The following KLRF2 variants were observed in gnomAD, a reference collection of about 807,000 sequenced individuals.
The protein encoded by KLRF2 is killer cell lectin-like receptor subfamily F member 2.
KLRF2 carries 28 observed loss-of-function variants against 25.3 expected under a neutral mutation model. That is an observed-to-expected ratio of 1.11 (90% CI 0.82 to 1.52). The LOEUF (loss-of-function observed/expected upper bound fraction) is 1.52, where lower values mean the gene tolerates loss of function less well. Among genes scored for constraint, KLRF2 ranks in the 40% most tolerant of loss-of-function variants. The pLI is 0.00. For missense variants in KLRF2, 265 were observed against 245.8 expected (o/e 1.08, Z -0.52); for synonymous variants, 73 against 85.0 (o/e 0.86, Z 0.78).
At chr12:9,893,275 GT>G in intron 4 of KLRF2, 107 bp downstream of exon 4, 1 of 1,051,860 alleles carries the variant, frequency 9.5e-7, no homozygotes, top group Non-Finnish European at 1.3e-6. Flanking sequence ...CTGAACATGT[GT>G]TAGCCACAAT....
intron 4 of KLRF2, 92 bp from the exon 5 acceptor site, chr12:9,893,337 T>C: frequency 1.2e-6 from 1 of 825,698 alleles, no homozygotes; most frequent in South Asian, 2.0e-5. Flanking sequence ...AAAAAATATA[T>C]TTTATTAATG....
At chr12:9,888,707 A>AT in intron 2 of KLRF2, 26 bp from the exon 3 acceptor site, 1 of 1,351,506 alleles carries the variant, frequency 7.4e-7, no homozygotes, top group Non-Finnish European at 1.0e-6. Flanking sequence ...AATGTTTCTC[A>AT]TATCTTTTCT....
At position 9,884,996 on chromosome 12, in the gene KLRF2, A is replaced by G. The variant is rs1868134712; in HGVS notation, c.133A>G (p.Ile45Val). 7.5e-7 allele frequency: 1 copy of G among 1,329,834 alleles called. No homozygotes were observed. Among genetic ancestry groups the G allele is most frequent in the Non-Finnish European group, 9.7e-7 (1 of 1,033,588 alleles). 82.4% of individuals were successfully genotyped at this position (1,329,834 alleles called of 1,614,324 possible). The change falls in exon 2 of 6, where the codon ATA (isoleucine) becomes GTA (valine). Residue 45 changes from isoleucine (I) to valine (V), a missense_variant. Physicochemically the swap from Ile to Val is conservative, Grantham distance 29. Transcript: ENST00000535540. ...CATATTTGGATGCATTGTGATCCTT[A>G]TATTCATTATGACAGGGATTGACCT... ...LLIFGCIVIL[I>V]FIMTGIDLKF...
chr12:9,893,777 A>G (rs756306431), intron 5 of KLRF2, among the ~76,000 whole-genome samples: 29 of 150,608 alleles, frequency 1.9e-4, no homozygotes, highest in Non-Finnish European at 3.1e-4. Context: ...GAAAGTATTC[A>G]TTTTGTCACC....
chr12:9,883,633 C>T (rs1018231939), intron 1 of KLRF2, among the ~76,000 whole-genome samples: 5 of 152,192 alleles, frequency 3.3e-5, no homozygotes, highest in South Asian at 2.1e-4. Flanking sequence ...TGTATTTTGA[C>T]GATTTTCAAT....
chr12:9,887,839 C>T (rs1171185657), intron 2 of KLRF2, among the ~76,000 whole-genome samples: 1 of 150,274 alleles, frequency 6.7e-6, no homozygotes, highest in South Asian at 2.1e-4. Context: ...AGCGCTTGAG[C>T]CCAGGAGTTC....
At chr12:9,893,233 T>A in intron 4 of KLRF2, 65 bp downstream of exon 4, 1 of 1,433,994 alleles carries the variant, frequency 7.0e-7, no homozygotes, top group Non-Finnish European at 9.3e-7. Flanking sequence ...GTTCACTGCC[T>A]AAGAAGCTTG....
chr12:9,894,258 T>C (rs1253394135), intron 5 of KLRF2, among the ~76,000 whole-genome samples: 1 of 151,758 alleles, frequency 6.6e-6, no homozygotes, highest in Admixed American at 6.6e-5. Context: ...CGTGGCTTAC[T>C]GCAGATTTGA....
Position 9,881,577 on chromosome 12 carries a change from A to G in KLRF2, c.-19A>G. 1 of 1,490,360 alleles carries G rather than the reference A, an allele frequency of 6.7e-7. No homozygotes were observed. The highest frequency in any genetic ancestry group is 2.5e-5 in the East Asian group (1 of 40,670). The allele number at this position is 1,490,360 out of a possible 1,614,324, so 92.3% of individuals were successfully genotyped here. A position where few individuals can be genotyped will look rare whatever the true frequency, so the allele number is the denominator to read the frequency against. ...TTTGTACTATTTTCTGGATAATAAG[A>G]CATTAGACATTTGAAGAGATGGAGA... On this transcript the variant is annotated 5_prime_UTR_variant, in exon 1 of 6. Transcript: ENST00000535540.
Position 9,885,026 on chromosome 12 carries a change from T to G in KLRF2, c.163T>G (p.Phe55Val), listed in dbSNP as rs1181355876. The G allele has an allele frequency of 1.6e-6, 2 of 1,254,070 alleles. No homozygotes were observed. The highest frequency in any genetic ancestry group is 2.0e-6 in the Non-Finnish European group (2 of 978,970). 77.7% of individuals were successfully genotyped at this position (1,254,070 alleles called of 1,614,324 possible). ...CATTATGACAGGGATTGACCTGAAG[T>G]TCTGGCGTGAGTAGTAAATTTTTAT... ...IFIMTGIDLKFWHKKMDFSQN... is the reference protein window; with the variant it reads ...IFIMTGIDLKVWHKKMDFSQN... Residue 55 changes from phenylalanine (F) to valine (V), a missense_variant, in exon 2 of 6, where the codon TTC becomes GTC. Physicochemically the swap from Phe to Val is conservative, Grantham distance 50 (BLOSUM62 -1). Transcript: ENST00000535540.
rs1014942225 is a variant in KLRF2 at position 9,893,703 on chromosome 12, C to T, written c.479+162C>T. ...TAGCTCTCTCTTTTCTTTCCTTCCTCCCTCCCTTTTTTTTCTTTGCTTCCT... is the reference window on the plus strand; with the variant it reads ...TAGCTCTCTCTTTTCTTTCCTTCCTTCCTCCCTTTTTTTTCTTTGCTTCCT... On this transcript the variant is annotated intron_variant, in intron 5 of 5. Transcript: ENST00000535540. Among the ~76,000 whole-genome samples the T allele has an allele frequency of 4.4e-5, 5 of 113,566 alleles. No homozygotes were observed. In the South Asian group the frequency reaches 1.2e-3, roughly 27 times the overall value. 74.5% of individuals were successfully genotyped at this position (113,566 alleles called of 152,430 possible).
intron 2 of KLRF2, among the ~76,000 whole-genome samples, chr12:9,888,336 AAAAATTAGCT>A (rs1862627453): frequency 6.6e-6 from 1 of 151,298 alleles, no homozygotes; most frequent in South Asian, 2.1e-4. Flanking sequence ...TAAAAATACA[AAAAATTAGCT>A]GGGCATGGTG....
chr12:9,884,366 AAT>A (rs1261560360), intron 1 of KLRF2, among the ~76,000 whole-genome samples: 2 of 151,862 alleles, frequency 1.3e-5, no homozygotes, highest in Non-Finnish European at 2.9e-5. Flanking sequence ...AACCCAGAAA[AAT>A]ATAATATATT....
intron 3 of KLRF2, among the ~76,000 whole-genome samples, chr12:9,889,756 G>T (rs908787701): frequency 6.6e-6 from 1 of 151,910 alleles, no homozygotes; most frequent in Non-Finnish European, 1.5e-5. Context: ...CGGTAATACA[G>T]TGTGGAGGCA....
At chr12:9,894,119 CT>C (rs758422634) in intron 5 of KLRF2, among the ~76,000 whole-genome samples, 3 of 95,184 alleles carry the variant, frequency 3.2e-5, no homozygotes, top group African/African-American at 4.5e-5. Flanking sequence ...CTTTTTCTTT[CT>C]TTTCTTTCTC....
chr12:9,886,214 T>C (rs1862596110), intron 2 of KLRF2, among the ~76,000 whole-genome samples: 1 of 152,150 alleles, frequency 6.6e-6, no homozygotes, highest in Admixed American at 6.6e-5. Context: ...AATTACAATA[T>C]GTGTGTTTCT....
intron 1 of KLRF2, among the ~76,000 whole-genome samples, chr12:9,882,697 C>T (rs1868107078): frequency 6.6e-6 from 1 of 152,134 alleles, no homozygotes; most frequent in Admixed American, 6.5e-5. Flanking sequence ...AGGAGAATCG[C>T]TTGAACCCGG....
At chr12:9,887,908 T>G (rs1408274427) in intron 2 of KLRF2, among the ~76,000 whole-genome samples, 1 of 150,908 alleles carries the variant, frequency 6.6e-6, no homozygotes, top group East Asian at 1.9e-4. Context: ...ACACAAAAAT[T>G]AGCTGGGTGT....
At chr12:9,883,081 GAAA>G (rs1331657346) in intron 1 of KLRF2, among the ~76,000 whole-genome samples, 1 of 152,126 alleles carries the variant, frequency 6.6e-6, no homozygotes, top group Non-Finnish European at 1.5e-5. Context: ...AATTGGGCCA[GAAA>G]AATTACTGTA....
Sources: allele counts gnomAD v4.1 joint callset (sites outside exome capture counted in the v4.1 genomes callset), GRCh38; gene constraint gnomAD v4.1.1; transcripts MANE v1.5; gene names NCBI Gene and HGNC (gene_info 2026-07-23, HGNC 2026-07-21).